Variants in FHIT observed in about 807,000 individuals in gnomAD.
FHIT encodes bis(5'-adenosyl)-triphosphatase.
In FHIT, 19 loss-of-function variants were observed where a neutral mutation model predicts 17.9. The observed-to-expected ratio is 1.06, with a 90% CI of 0.74 to 1.56. The LOEUF is 1.56. Ranked by LOEUF, FHIT falls within the 40% of genes most tolerant of loss-of-function variation. FHIT has a pLI of 0.00. For synonymous variants in FHIT, 81 were observed against 69.7 expected (o/e 1.16, Z -0.81); for missense variants, 248 against 189.2 (o/e 1.31, Z -1.82).
intron 1 of FHIT, among the ~76,000 whole-genome samples, chr3:61,222,497 T>C (rs1034583946): frequency 3.3e-5 from 5 of 152,192 alleles, no homozygotes; most frequent in Admixed American, 2.0e-4. Context: ...AGATTTCTGC[T>C]CTCTTTACTA....
intron 4 of FHIT, among the ~76,000 whole-genome samples, chr3:60,767,522 G>A (rs1699898512): frequency 6.6e-6 from 1 of 152,194 alleles, no homozygotes; most frequent in Admixed American, 6.5e-5. Context: ...TTCTAATCCA[G>A]ACTATTTACT....
chr3:60,416,414 A>G (rs1702250648), intron 5 of FHIT, among the ~76,000 whole-genome samples: 1 of 152,194 alleles, frequency 6.6e-6, no homozygotes, highest in South Asian at 2.1e-4. Flanking sequence ...CTTTTCCTGT[A>G]AAGGGACAAA....
At position 61,142,042 on chromosome 3, in the gene FHIT, A is replaced by AG. The variant is rs369825485; in HGVS notation, c.-164+58574dup. Among the ~76,000 whole-genome samples the AG allele has an allele frequency of 1.3e-3, 196 of 151,606 alleles. 4 individuals are homozygous for AG. Among genetic ancestry groups the AG allele is most frequent in the African/African-American group, 4.4e-3 (181 of 41,478 alleles). On this transcript the variant is annotated intron_variant, in intron 2 of 9. Coordinates refer to ENST00000492590, the MANE Select transcript of FHIT (RefSeq NM_002012.4). ...CTTCACAATTGCAAAGCAATTTCTC[A>AG]GGGGGAGTCAAAGCTTCACTTGCTT...
At chr3:59,870,474 A>G (rs558392978) in intron 8 of FHIT, among the ~76,000 whole-genome samples, 2 of 152,320 alleles carry the variant, frequency 1.3e-5, no homozygotes, top group South Asian at 4.1e-4. Flanking sequence ...AGTAAAGAAA[A>G]CAACAAAGGT....
chr3:59,977,841 T>G (rs1021266742), intron 7 of FHIT, among the ~76,000 whole-genome samples: 1 of 152,180 alleles, frequency 6.6e-6, no homozygotes, highest in Non-Finnish European at 1.5e-5. Context: ...ACCCTGCCTA[T>G]TAAATGATAG....
chr3:61,041,113 G>A (rs2033489573), intron 3 of FHIT, among the ~76,000 whole-genome samples: 1 of 152,098 alleles, frequency 6.6e-6, no homozygotes, highest in South Asian at 2.1e-4. Context: ...GGGCACGGTG[G>A]CTCACACCTG....
chr3:60,487,939 A>T (rs440450), intron 5 of FHIT, among the ~76,000 whole-genome samples: 49,818 of 152,024 alleles, frequency 0.33, 9,364 homozygotes, highest in African/African-American at 0.5. Flanking sequence ...TTTCGATGAA[A>T]CTTCTAAGTA....
At chr3:61,110,926 A>T (rs574565668) in intron 2 of FHIT, among the ~76,000 whole-genome samples, 89 of 152,234 alleles carry the variant, frequency 5.8e-4, no homozygotes, top group African/African-American at 1.9e-3. Context: ...CAATATTCCT[A>T]TTTCTTAAGT....
intron 5 of FHIT, among the ~76,000 whole-genome samples, chr3:60,185,765 C>T (rs980946358): frequency 2.0e-5 from 3 of 152,160 alleles, no homozygotes; most frequent in African/African-American, 7.2e-5. Context: ...TGTTGCTCTA[C>T]ATCCTCCCTA....
At chr3:61,107,085 A>G (rs2036014015) in intron 2 of FHIT, among the ~76,000 whole-genome samples, 2 of 152,264 alleles carry the variant, frequency 1.3e-5, no homozygotes, top group South Asian at 4.1e-4. Context: ...CATTCCTCCC[A>G]TAACTGAAAT....
chr3:59,896,202 C>G (rs1461655280), intron 8 of FHIT, among the ~76,000 whole-genome samples: 1 of 152,186 alleles, frequency 6.6e-6, no homozygotes, highest in Non-Finnish European at 1.5e-5. Flanking sequence ...GTTTTGTTCT[C>G]TGCTGTGTCC....
intron 8 of FHIT, among the ~76,000 whole-genome samples, chr3:59,773,679 G>C (rs568651404): frequency 9.2e-5 from 14 of 151,850 alleles, no homozygotes; most frequent in Admixed American, 5.9e-4. Context: ...TTTCTTCCCA[G>C]GGAGGCAGGC....
chr3:60,225,053 A>G (rs561602980), intron 5 of FHIT, among the ~76,000 whole-genome samples: 1 of 152,066 alleles, frequency 6.6e-6, no homozygotes, highest in Non-Finnish European at 1.5e-5. Flanking sequence ...GTACTGGAGT[A>G]ATGCTTGCTA....
At chr3:60,074,237 T>A (rs909690808) in intron 5 of FHIT, among the ~76,000 whole-genome samples, 3 of 152,164 alleles carry the variant, frequency 2.0e-5, no homozygotes, top group South Asian at 2.1e-4. Context: ...TTGGTACACA[T>A]GAGTTTTATG....
chr3:60,746,248 G>A (rs1553715332), intron 4 of FHIT, among the ~76,000 whole-genome samples: 1 of 152,182 alleles, frequency 6.6e-6, no homozygotes, highest in Non-Finnish European at 1.5e-5. Context: ...TTCCCCCAAA[G>A]GGAGTTAAGC....
Position 59,817,562 on chromosome 3 carries a change from TA to T in FHIT, c.349-65242del, listed in dbSNP as rs10691937. Among the ~76,000 whole-genome samples the T allele has an allele frequency of 3.4e-3, 322 of 93,926 alleles. 1 individual carries two copies. Among genetic ancestry groups the T allele is most frequent in the African/African-American group, 0.014 (294 of 21,282 alleles). The allele number at this position is 93,926 out of a possible 152,430, so 61.6% of individuals were successfully genotyped here. ...TGGGAGACAGAGCAACACCCGTCACTAAAAAAAAAAAAAAAAAAGAAAGAAA... is the reference window on the plus strand; with the variant it reads ...TGGGAGACAGAGCAACACCCGTCACTAAAAAAAAAAAAAAAAAGAAAGAAA... On this transcript the variant is annotated intron_variant, in intron 8 of 9. Transcript: ENST00000492590.
At chr3:60,052,197 C>G (rs183841676) in intron 5 of FHIT, among the ~76,000 whole-genome samples, 1 of 152,132 alleles carries the variant, frequency 6.6e-6, no homozygotes, top group Admixed American at 6.5e-5. Flanking sequence ...GTCTATAATC[C>G]CATAAGAACC....
intron 5 of FHIT, among the ~76,000 whole-genome samples, chr3:60,234,465 C>T (rs1014185968): frequency 2.0e-5 from 3 of 152,158 alleles, no homozygotes; most frequent in African/African-American, 7.2e-5. Context: ...TTTCATTATT[C>T]TGATACCGAA....
chr3:60,084,962 T>C (rs188715472), intron 5 of FHIT, among the ~76,000 whole-genome samples: 21 of 152,292 alleles, frequency 1.4e-4, no homozygotes, highest in Admixed American at 3.3e-4. Flanking sequence ...GCAGAGACCA[T>C]GTCTTCTTTT....
Sources: gnomAD v4.1 joint callset for allele counts (sites outside exome capture counted in the v4.1 genomes callset) on GRCh38, gnomAD v4.1.1 for gene constraint, MANE v1.5 for transcripts, NCBI Gene and HGNC (gene_info 2026-07-23, HGNC 2026-07-21) for gene names.